CDC16: variants seen among roughly 807,000 people sequenced by gnomAD.
CDC16 encodes cell division cycle 16.
A neutral mutation model predicts 87.0 loss-of-function variants in CDC16; 34 were observed. The observed-to-expected ratio is 0.39, with a 90% CI of 0.30 to 0.52. The LOEUF (loss-of-function observed/expected upper bound fraction) is 0.52, where lower values mean the gene tolerates loss of function less well. CDC16 is among the 20% of genes least tolerant of loss of function. CDC16 has a pLI of 0.74. For missense variants in CDC16, 653 were observed against 751.9 expected, an observed-to-expected ratio of 0.87 and a Z score of 1.54; for synonymous variants, 263 against 260.6, an observed-to-expected ratio of 1.01 and a Z score of -0.09.
chr13:114,243,364 GAGTT>G lies in CDC16; in HGVS notation c.633+19_633+22del. 2 of 1,209,028 alleles carry G rather than the reference GAGTT, an allele frequency of 1.7e-6. No homozygotes were observed. Among genetic ancestry groups the G allele is most frequent in the Non-Finnish European group, 2.5e-6 (2 of 814,124 alleles). 74.9% of individuals were successfully genotyped at this position (1,209,028 alleles called of 1,614,324 possible). On this transcript the variant is annotated intron_variant, in intron 7 of 17. Coordinates refer to ENST00000356221, the MANE Select transcript of CDC16 (RefSeq NM_001078645.3). Reference sequence around the variant, plus strand: ...ATTGAAAAAAGTAAGTAAAACCAAAGAGTTAGCACTTGCTTTATGTAAATATCTT... The same window carrying G: ...ATTGAAAAAAGTAAGTAAAACCAAAGAGCACTTGCTTTATGTAAATATCTT...
At chr13:114,242,495 G>A in intron 6 of CDC16, 2 of 515,564 alleles carry the variant, frequency 3.9e-6, no homozygotes, top group South Asian at 2.8e-5. Context: ...ATAGGAAGAG[G>A]CCATCTTTTT....
At chr13:114,237,452 G>C (rs2081312842) in intron 3 of CDC16, among the ~76,000 whole-genome samples, 1 of 151,956 alleles carries the variant, frequency 6.6e-6, no homozygotes, top group African/African-American at 2.4e-5. Context: ...ACCACACCCA[G>C]CTAATTTTTA....
At chr13:114,259,308 C>T (rs1440431123) in intron 13 of CDC16, 27 bp from the exon 14 acceptor site, 8 of 1,544,972 alleles carry the variant, frequency 5.2e-6, no homozygotes, top group African/African-American at 1.4e-5. Context: ...TTCGAATAAT[C>T]TGCAACCTTT....
chr13:114,259,765 G>C (rs534465705), intron 14 of CDC16, among the ~76,000 whole-genome samples: 6 of 152,204 alleles, frequency 3.9e-5, no homozygotes, highest in Non-Finnish European at 8.8e-5. Flanking sequence ...TTCTTTGACT[G>C]AAGGGTAAAT....
At position 114,238,977 on chromosome 13, in the gene CDC16, A is replaced by C. The variant is rs1594554102; in HGVS notation, c.202-13A>C. On this transcript the variant is annotated splice_polypyrimidine_tract_variant and intron_variant, in intron 3 of 17. Coordinates refer to ENST00000356221, the MANE Select transcript of CDC16 (RefSeq NM_001078645.3). ...TTTTGACCACTACTTAAACAAATTA[A>C]TTTCTTTCCTAGTTGTATGAAGCAT... is the stretch of plus-strand genomic sequence containing the variant. The C allele has an allele frequency of 2.5e-6, 4 of 1,607,802 alleles. No homozygotes were observed. The highest frequency in any genetic ancestry group is 1.1e-5 in the South Asian group (1 of 90,244).
intron 12 of CDC16, among the ~76,000 whole-genome samples, chr13:114,255,232 A>G (rs2082423498): frequency 6.6e-6 from 1 of 152,176 alleles, no homozygotes; most frequent in African/African-American, 2.4e-5. Context: ...TTGTTTTTCA[A>G]AGAAGCTGTG....
In CDC16 at chr13:114,236,633, T is replaced by C; in HGVS notation, c.49-12T>C. ...AGGGCAGTTACCACCTTTTTTTTTTTTTGGTATGCAGCAACAGTATCAAAG... is the reference window on the plus strand; with the variant it reads ...AGGGCAGTTACCACCTTTTTTTTTTCTTGGTATGCAGCAACAGTATCAAAG... On this transcript the variant is annotated splice_polypyrimidine_tract_variant and intron_variant, in intron 1 of 17. Coordinates refer to ENST00000356221, the MANE Select transcript of CDC16 (RefSeq NM_001078645.3). 6.2e-7 allele frequency: 1 copy of C among 1,607,096 alleles called. No individual in the cohort carries two copies. Among genetic ancestry groups the C allele is most frequent in the Non-Finnish European group, 8.5e-7 (1 of 1,178,588 alleles).
intron 10 of CDC16, among the ~76,000 whole-genome samples, 166 bp downstream of exon 10, chr13:114,246,215 C>T (rs915212035): frequency 6.6e-5 from 10 of 152,158 alleles, no homozygotes; most frequent in African/African-American, 2.4e-4. Context: ...GCAGCATTAA[C>T]TTTTCAACCC....
intron 11 of CDC16, 53 bp from the exon 12 acceptor site, chr13:114,250,491 CAAAAA>C (rs59513608): frequency 5.0e-5 from 63 of 1,247,642 alleles, no homozygotes; most frequent in Middle Eastern, 2.4e-4. Context: ...GACTTTGTCT[CAAAAA>C]AAAAAAAAAA....
At chr13:114,238,958 C>T (rs2081399978) in intron 3 of CDC16, 32 bp from the exon 4 acceptor site, 1 of 1,595,410 alleles carries the variant, frequency 6.3e-7, no homozygotes, top group African/African-American at 1.3e-5. Flanking sequence ...ATTATTTTGA[C>T]CACTACTTAA....
At chr13:114,261,835 A>G (rs2082879051) in intron 14 of CDC16, 52 bp from the exon 15 acceptor site, 1 of 1,290,616 alleles carries the variant, frequency 7.7e-7, no homozygotes, top group Non-Finnish European at 1.1e-6. Flanking sequence ...CAAACAAATC[A>G]GGCTGAACAG....
At chr13:114,266,767 C>T (rs1183284174) in intron 17 of CDC16, among the ~76,000 whole-genome samples, 1 of 151,802 alleles carries the variant, frequency 6.6e-6, no homozygotes, top group Non-Finnish European at 1.5e-5. Context: ...GATCTCTGCT[C>T]ACTGCAAGCT....
chr13:114,255,019 TC>T (rs2082411477), intron 12 of CDC16, among the ~76,000 whole-genome samples: 1 of 152,192 alleles, frequency 6.6e-6, no homozygotes, highest in Non-Finnish European at 1.5e-5. Context: ...TTTCAACCAA[TC>T]AGAAAAATCT....
intron 12 of CDC16, among the ~76,000 whole-genome samples, chr13:114,254,533 T>TA (rs1342723914): frequency 1.3e-5 from 2 of 152,232 alleles, no homozygotes; most frequent in Non-Finnish European, 2.9e-5. Flanking sequence ...CTTGTGCTGT[T>TA]AGTGTCATAT....
intron 5 of CDC16, among the ~76,000 whole-genome samples, chr13:114,239,887 T>C (rs1486664611): frequency 1.3e-5 from 2 of 152,214 alleles, no homozygotes; most frequent in African/African-American, 2.4e-5. Flanking sequence ...TCAAAGTACA[T>C]TGCTATGTAA....
At chr13:114,248,308 A>T (rs2081976728) in intron 11 of CDC16, among the ~76,000 whole-genome samples, 2 of 152,234 alleles carry the variant, frequency 1.3e-5, no homozygotes, top group Admixed American at 1.3e-4. Flanking sequence ...GTCAAATTTG[A>T]ATTCTAATCC....
At chr13:114,246,398 T>C (rs2081876284) in intron 10 of CDC16, among the ~76,000 whole-genome samples, 1 of 152,224 alleles carries the variant, frequency 6.6e-6, no homozygotes, top group Admixed American at 6.5e-5. Flanking sequence ...TTGGCAGCTT[T>C]CTCACATTGC....
rs146302240 is a variant in CDC16 at position 114,255,923 on chromosome 13, G to T, written c.1098-1155G>T. Among the ~76,000 whole-genome samples the T allele has an allele frequency of 9.8e-3, 1,489 of 152,232 alleles. 22 individuals carry two copies. Among genetic ancestry groups the T allele is most frequent in the African/African-American group, 0.034 (1,415 of 41,538 alleles). On this transcript the variant is annotated intron_variant, in intron 12 of 17. Coordinates refer to ENST00000356221, the MANE Select transcript of CDC16 (RefSeq NM_001078645.3). ...CTGGGATTACAGGTATGAGCCCAGG[G>T]GGCTCTTTTAGGAGCTACCAGACAG...
intron 17 of CDC16, among the ~76,000 whole-genome samples, chr13:114,270,044 A>G (rs1252682073): frequency 6.6e-6 from 1 of 152,236 alleles, no homozygotes; most frequent in Admixed American, 6.5e-5. Flanking sequence ...AATATGTACT[A>G]ATTACTTCCA....
Sources: gnomAD v4.1 joint callset for allele counts (sites outside exome capture counted in the v4.1 genomes callset) on GRCh38, gnomAD v4.1.1 for gene constraint, MANE v1.5 for transcripts, NCBI Gene and HGNC (gene_info 2026-07-23, HGNC 2026-07-21) for gene names.